Variants in ANO1 observed in about 807,000 individuals in gnomAD.
ANO1 encodes anoctamin-1.
A neutral mutation model predicts 124.0 loss-of-function variants in ANO1; 59 were observed. The ratio of observed to expected loss-of-function variants is 0.48; its 90% CI spans 0.39 to 0.59. The LOEUF is 0.59. Ranked by LOEUF, ANO1 falls within the 20% of genes least tolerant of loss-of-function variation. ANO1 has a pLI of 0.00. For missense variants in ANO1, 1,059 were observed against 1,328.0 expected (o/e 0.80, Z 3.15); for synonymous variants, 529 against 532.0 (o/e 0.99, Z 0.08).
chr11:69,984,629 G>A (rs1245416604), upstream of ANO1, among the ~76,000 whole-genome samples: 1 of 152,122 alleles, frequency 6.6e-6, no homozygotes, highest in Non-Finnish European at 1.5e-5. Flanking sequence ...AGGCCTGGTG[G>A]GGAGGAGGAC....
Position 70,005,112 on chromosome 11 carries a change from C to CA in ANO1, c.58+18962dup, listed in dbSNP as rs3078420. 4.4e-5 allele frequency among the ~76,000 whole-genome samples: 6 copies of CA among 134,992 alleles called. 1 individual carries two copies. The highest frequency in any genetic ancestry group is 2.3e-4 in the Admixed American group (3 of 12,964). The allele number at this position is 134,992 out of a possible 152,430, so 88.6% of individuals were successfully genotyped here. On this transcript the variant is annotated intron_variant, in intron 1 of 27. Coordinates refer to the ANO1 transcript ENST00000531349. ...TGGGTGACAGAGCGAGATTCCAACT[C>CA]AAAAAAAAAAAAAAAATTGGTGACA... is the stretch of plus-strand genomic sequence containing the variant.
chr11:70,187,125 C>A (rs1432739814), intron 25 of ANO1, among the ~76,000 whole-genome samples: 1 of 152,226 alleles, frequency 6.6e-6, no homozygotes, highest in African/African-American at 2.4e-5. Context: ...CAACCCCAGC[C>A]CCAGCTGGGG....
chr11:70,161,147 T>A lies in ANO1; in HGVS notation c.1579-14T>A, dbSNP rs764870293. On this transcript the variant is annotated splice_polypyrimidine_tract_variant and intron_variant, in intron 16 of 25. Transcript: ENST00000355303. ...GTGGGCCCCCAACCAAGAGTGCCCC[T>A]TTCCCCCCTGCAGATTGCAGTGACG... is the stretch of plus-strand genomic sequence containing the variant. 1.9e-6 allele frequency: 3 copies of A among 1,610,492 alleles called. No individual in the cohort carries two copies. The highest frequency in any genetic ancestry group is 2.5e-6 in the Non-Finnish European group (3 of 1,178,568).
intron 7 of ANO1, among the ~76,000 whole-genome samples, chr11:70,115,978 A>G (rs980311074): frequency 6.6e-6 from 1 of 152,126 alleles, no homozygotes; most frequent in African/African-American, 2.4e-5. Context: ...CATCTGTAGA[A>G]TGGGAGTTTT....
intron 25 of ANO1, among the ~76,000 whole-genome samples, chr11:70,187,028 A>G (rs2049156132): frequency 6.6e-6 from 1 of 152,174 alleles, no homozygotes; most frequent in South Asian, 2.1e-4. Flanking sequence ...CAGCCCCTAG[A>G]TGGACCAGTC....
At chr11:69,975,522 C>A in the ANO1 span, among the ~76,000 whole-genome samples, 1 of 152,246 alleles carries the variant, frequency 6.6e-6, no homozygotes, top group African/African-American at 2.4e-5. Flanking sequence ...CTGAGGACCA[C>A]CCCTGGAGCC....
intron 1 of ANO1, among the ~76,000 whole-genome samples, chr11:70,059,491 C>T (rs958326097): frequency 6.6e-6 from 1 of 152,060 alleles, no homozygotes; most frequent in Non-Finnish European, 1.5e-5. Flanking sequence ...TTGACCCATC[C>T]GATGAAGGTG....
intron 8 of ANO1, among the ~76,000 whole-genome samples, chr11:70,121,849 A>G (rs1397100781): frequency 5.0e-5 from 1 of 20,060 alleles, no homozygotes; most frequent in Non-Finnish European, 8.9e-5. Flanking sequence ...CTGTCTCTCT[A>G]TCTCTGTCTC....
chr11:70,146,576 G>C lies in ANO1; in HGVS notation c.1259-3134G>C, dbSNP rs1177945482. ...TAGGATATTGTACATATGAAAGGGA[G>C]TTTATTCAGGAGAATCGACTACTCA... On this transcript the variant is annotated intron_variant, in intron 11 of 25. Transcript: ENST00000355303. Among the ~76,000 whole-genome samples, 8 of 152,110 alleles carry C rather than the reference G, an allele frequency of 5.3e-5. No homozygotes were observed. In the South Asian group the frequency reaches 1.7e-3, roughly 32 times the overall value.
intron 1 of ANO1, among the ~76,000 whole-genome samples, chr11:70,025,511 G>C (rs1856879089): frequency 6.6e-6 from 1 of 152,088 alleles, no homozygotes; most frequent in Admixed American, 6.5e-5. Context: ...CGATGATGGT[G>C]GTGGTGATTG....
chr11:69,989,826 A>G lies in ANO1; in HGVS notation c.58+3660A>G, dbSNP rs528460199. On this transcript the variant is annotated intron_variant, in intron 1 of 27. Transcript: ENST00000531349. ...TAGGGCCCACAGGAATTGCCAGCAC[A>G]TGGAATGTAGGGGCTGAGAGCAGGA... Among the ~76,000 whole-genome samples, 61 of 152,272 alleles carry G rather than the reference A, an allele frequency of 4.0e-4. No individual in the cohort carries two copies. The South Asian group carries it at 0.012, about 29-fold the overall frequency.
upstream of ANO1, among the ~76,000 whole-genome samples, chr11:70,073,898 G>C (rs531718096): frequency 7.8e-6 from 1 of 129,000 alleles, no homozygotes; most frequent in Non-Finnish European, 1.5e-5. Flanking sequence ...TCTGAGCTTC[G>C]GCCGGCAGTT....
intron 1 of ANO1, chr11:70,063,623 T>C (rs1292157898): frequency 2.4e-4 from 37 of 152,092 alleles, no homozygotes; most frequent in Admixed American, 2.4e-3. Flanking sequence ...GGATTCCTAA[T>C]CCCGCGAACC....
chr11:70,145,517 C>T (rs1349702827), intron 11 of ANO1, among the ~76,000 whole-genome samples: 1 of 152,150 alleles, frequency 6.6e-6, no homozygotes, highest in Non-Finnish European at 1.5e-5. Flanking sequence ...CTTCACCCTC[C>T]ACCCCACCCC....
intron 1 of ANO1, among the ~76,000 whole-genome samples, chr11:70,027,507 G>A (rs748360322): frequency 6.6e-6 from 1 of 152,224 alleles, no homozygotes; most frequent in African/African-American, 2.4e-5. Context: ...ACTACCGCAA[G>A]CCAGGGCCCA....
the ANO1 span, among the ~76,000 whole-genome samples, chr11:69,970,319 T>C: frequency 1.3e-5 from 2 of 152,078 alleles, no homozygotes; most frequent in Non-Finnish European, 2.9e-5. Flanking sequence ...AGCCTTGGCC[T>C]CAAGGGAAGG....
chr11:70,072,426 G>A (rs1857894631), intron 1 of ANO1: 1 of 152,256 alleles, frequency 6.6e-6, no homozygotes, highest in Non-Finnish European at 1.5e-5. Flanking sequence ...CAAGGAAAAG[G>A]CCTTGCATGG....
upstream of ANO1, among the ~76,000 whole-genome samples, chr11:70,077,592 C>T (rs564241252): frequency 1.2e-3 from 188 of 152,328 alleles, 1 homozygote; most frequent in African/African-American, 4.3e-3. Flanking sequence ...CGCTCCGCCC[C>T]TCCAGAAAGC....
At chr11:70,171,391 A>C (rs1212137476) in intron 22 of ANO1, among the ~76,000 whole-genome samples, 3 of 148,960 alleles carry the variant, frequency 2.0e-5, no homozygotes, top group Admixed American at 6.7e-5. Flanking sequence ...TGTGACCCCC[A>C]GAGCCAGGGC....
Sources: allele counts gnomAD v4.1 joint callset (sites outside exome capture counted in the v4.1 genomes callset), GRCh38; gene constraint gnomAD v4.1.1; transcripts MANE v1.5; gene names NCBI Gene and HGNC (gene_info 2026-07-23, HGNC 2026-07-21).